The following NAALADL2 variants were observed in gnomAD, a reference collection of about 807,000 sequenced individuals.
The protein encoded by NAALADL2 is inactive N-acetylated-alpha-linked acidic dipeptidase-like protein 2.
In NAALADL2, 76 loss-of-function variants were observed where a neutral mutation model predicts 87.2. That is an observed-to-expected ratio of 0.87 (90% confidence interval 0.72 to 1.05). The LOEUF (loss-of-function observed/expected upper bound fraction) is 1.05, where lower values mean the gene tolerates loss of function less well. NAALADL2 is among the 50% of genes least tolerant of loss of function. NAALADL2 has a pLI of 0.00. For missense variants in NAALADL2, 1,089 were observed against 945.8 expected (o/e 1.15, Z -1.99); for synonymous variants, 354 against 331.0 (o/e 1.07, Z -0.75).
At chr3:174,814,852 G>T (rs1263098065) in intron 3 of NAALADL2, among the ~76,000 whole-genome samples, 2 of 152,124 alleles carry the variant, frequency 1.3e-5, no homozygotes, top group East Asian at 3.9e-4. Context: ...CCCTTCGGTT[G>T]CAAGCTATGT....
chr3:175,193,959 G>T lies in NAALADL2; in HGVS notation c.546-39972G>T, dbSNP rs952837544. 2.6e-5 allele frequency among the ~76,000 whole-genome samples: 4 copies of T among 151,960 alleles called. No homozygotes were observed. In the South Asian group the frequency reaches 6.2e-4, roughly 24 times the overall value. ...TAACAGACGAAAATAGATAATTTGT[G>T]TGCAAAGTGCTAGCAGCCCTTTCTT... On this transcript the variant is annotated intron_variant, in intron 2 of 13. Coordinates refer to ENST00000454872, the MANE Select transcript of NAALADL2 (RefSeq NM_207015.3).
At chr3:175,303,888 C>A (rs1159674754) in intron 4 of NAALADL2, among the ~76,000 whole-genome samples, 1 of 152,092 alleles carries the variant, frequency 6.6e-6, no homozygotes, top group Non-Finnish European at 1.5e-5. Flanking sequence ...TTATATGAAG[C>A]CAATAGGACA....
intron 1 of NAALADL2, among the ~76,000 whole-genome samples, chr3:174,967,255 A>T (rs1743006769): frequency 3.3e-5 from 5 of 152,064 alleles, no homozygotes; most frequent in African/African-American, 1.2e-4. Context: ...CATATATTAT[A>T]TGCAATAGGA....
At chr3:175,320,066 T>G (rs1453721894) in intron 4 of NAALADL2, among the ~76,000 whole-genome samples, 1 of 152,206 alleles carries the variant, frequency 6.6e-6, no homozygotes, top group Non-Finnish European at 1.5e-5. Context: ...GAGCAGTGAC[T>G]GCCTATATTG....
At chr3:175,743,847 A>G (rs551047704) in intron 12 of NAALADL2, among the ~76,000 whole-genome samples, 7 of 152,338 alleles carry the variant, frequency 4.6e-5, no homozygotes, top group Admixed American at 1.3e-4. Flanking sequence ...AGTGTGGCAC[A>G]TGGTTGCTAG....
Position 174,852,627 on chromosome 3 carries a change from G to A in NAALADL2, c.-9+114881G>A, listed in dbSNP as rs540212602. Among the ~76,000 whole-genome samples, 189 of 152,208 alleles carry A rather than the reference G, an allele frequency of 1.2e-3. 1 individual carries two copies. The highest frequency in any genetic ancestry group is 2.3e-3 in the Non-Finnish European group (158 of 67,996). On this transcript the variant is annotated intron_variant, in intron 3 of 3. Transcript: ENST00000434257. ...ATGGAAGAATAAATGTGGTTAAAAT[G>A]TCTATACTACCCAAAGCAATCTACA...
intron 1 of NAALADL2, among the ~76,000 whole-genome samples, chr3:174,492,756 G>T (rs1380646448): frequency 1.3e-5 from 2 of 152,128 alleles, no homozygotes; most frequent in Non-Finnish European, 2.9e-5. Context: ...TCATTACTAA[G>T]ACAAAATAAG....
intron 13 of NAALADL2, among the ~76,000 whole-genome samples, chr3:175,787,453 C>T (rs558771371): frequency 0.013 from 1,974 of 152,254 alleles, 41 homozygotes; most frequent in African/African-American, 0.044. Flanking sequence ...GCACAATATT[C>T]GGATGGGAGT....
At position 175,338,724 on chromosome 3, in the gene NAALADL2, C is replaced by T. The variant is rs1762287601; in HGVS notation, c.1090+14399C>T. Reference sequence around the variant, plus strand: ...GATGTGAAGAGTTTAGGAACTCTGGCAAAACCACCCACTAAAGTGTGAGCA... The same window carrying T: ...GATGTGAAGAGTTTAGGAACTCTGGTAAAACCACCCACTAAAGTGTGAGCA... On this transcript the variant is annotated intron_variant, in intron 5 of 13. Coordinates refer to ENST00000454872, the MANE Select transcript of NAALADL2 (RefSeq NM_207015.3). Among the ~76,000 whole-genome samples, 4 of 150,332 alleles carry T rather than the reference C, an allele frequency of 2.7e-5. No individual in the cohort carries two copies. In the South Asian group the frequency reaches 8.4e-4, roughly 32 times the overall value.
chr3:175,634,798 G>A (rs1728281975), intron 11 of NAALADL2, among the ~76,000 whole-genome samples: 1 of 151,904 alleles, frequency 6.6e-6, no homozygotes, highest in Non-Finnish European at 1.5e-5. Context: ...TAATTCTGAA[G>A]CTATGAATTT....
chr3:174,747,051 T>C (rs1734326184), intron 3 of NAALADL2, among the ~76,000 whole-genome samples: 1 of 152,008 alleles, frequency 6.6e-6, no homozygotes, highest in African/African-American at 2.4e-5. Context: ...ACAAAAGCAA[T>C]TGCAACAAAA....
At chr3:174,782,035 T>C (rs1234735844) in intron 3 of NAALADL2, among the ~76,000 whole-genome samples, 1 of 152,192 alleles carries the variant, frequency 6.6e-6, no homozygotes, top group East Asian at 1.9e-4. Context: ...ACTTTAAATG[T>C]ACTTGATCCT....
chr3:175,259,357 A>C (rs4443182), intron 4 of NAALADL2, among the ~76,000 whole-genome samples: 15,422 of 152,172 alleles, frequency 0.1, 2,016 homozygotes, highest in African/African-American at 0.31. Context: ...TCATGATGAG[A>C]CTAGGAAACC....
At chr3:175,132,809 G>A (rs1302939947) in intron 2 of NAALADL2, among the ~76,000 whole-genome samples, 4 of 151,834 alleles carry the variant, frequency 2.6e-5, no homozygotes, top group African/African-American at 4.8e-5. Context: ...CCTCCCGGAC[G>A]GGATGGCTGC....
chr3:175,591,784 GTATATATATA>G (rs57196350), intron 10 of NAALADL2, among the ~76,000 whole-genome samples: 6,653 of 136,580 alleles, frequency 0.049, 278 homozygotes, highest in African/African-American at 0.091. Flanking sequence ...GTGTGTGTGT[GTATATATATA>G]TATATATATA....
chr3:174,821,519 A>G (rs1466490171), intron 3 of NAALADL2, among the ~76,000 whole-genome samples: 6 of 152,186 alleles, frequency 3.9e-5, no homozygotes, highest in Non-Finnish European at 7.3e-5. Flanking sequence ...TCATTTTACA[A>G]GTGATGAAAA....
At chr3:174,666,913 G>GT (rs1180740180) in intron 2 of NAALADL2, among the ~76,000 whole-genome samples, 1 of 152,098 alleles carries the variant, frequency 6.6e-6, no homozygotes, top group Admixed American at 6.6e-5. Context: ...GGCAGTTTAT[G>GT]TAAGTGGAAT....
intron 2 of NAALADL2, among the ~76,000 whole-genome samples, chr3:174,646,538 A>G (rs1020290182): frequency 6.6e-6 from 1 of 151,876 alleles, no homozygotes; most frequent in Admixed American, 6.6e-5. Context: ...ATTTGGCTGA[A>G]ACAAAAACAA....
intron 1 of NAALADL2, among the ~76,000 whole-genome samples, chr3:174,454,944 G>A (rs1269136624): frequency 6.7e-6 from 1 of 150,194 alleles, no homozygotes; most frequent in African/African-American, 2.5e-5. Flanking sequence ...AATGAATCCA[G>A]GAGTTGTTTT....
Sources: gnomAD v4.1 joint callset for allele counts (sites outside exome capture counted in the v4.1 genomes callset) on GRCh38, gnomAD v4.1.1 for gene constraint, MANE v1.5 for transcripts, NCBI Gene and HGNC (gene_info 2026-07-23, HGNC 2026-07-21) for gene names.